Variants in ARB2A observed in about 807,000 individuals in gnomAD.
ARB2A encodes ARB2 cotranscriptional regulator A.
At chr5:93,663,631 T>A in the ARB2A span, among the ~76,000 whole-genome samples, 381 of 152,194 alleles carry the variant, frequency 2.5e-3, no homozygotes, top group Non-Finnish European at 4.1e-3. Context: ...GACGATGGAA[T>A]GGGATTGGGC....
At chr5:94,015,046 C>T in the ARB2A span, among the ~76,000 whole-genome samples, 2 of 151,732 alleles carry the variant, frequency 1.3e-5, no homozygotes, top group South Asian at 2.1e-4. Context: ...ACATGAAGGC[C>T]AGAGAGTACC....
chr5:94,089,594 T>TACACACACACACACACAC, the ARB2A span, among the ~76,000 whole-genome samples: 108 of 135,658 alleles, frequency 8.0e-4, no homozygotes, highest in African/African-American at 2.6e-3. Flanking sequence ...AAACCGTTTA[T>TACACACACACACACACAC]ACACACACAC....
At chr5:94,006,544 A>G in the ARB2A span, among the ~76,000 whole-genome samples, 3 of 152,230 alleles carry the variant, frequency 2.0e-5, no homozygotes, top group Admixed American at 6.5e-5. Context: ...AAAGATCCAC[A>G]AGCAATCTCT....
At chr5:93,744,678 G>A in the ARB2A span, among the ~76,000 whole-genome samples, 10 of 152,108 alleles carry the variant, frequency 6.6e-5, no homozygotes, top group Admixed American at 5.2e-4. Flanking sequence ...GGGTTAGCAG[G>A]GAAACGAAGC....
At chr5:93,645,004 A>C in the ARB2A span, among the ~76,000 whole-genome samples, 1 of 152,222 alleles carries the variant, frequency 6.6e-6, no homozygotes, top group Non-Finnish European at 1.5e-5. Flanking sequence ...CCTATTGGAG[A>C]AAAGAGCCTC....
At chr5:93,812,313 G>C in the ARB2A span, among the ~76,000 whole-genome samples, 2 of 152,028 alleles carry the variant, frequency 1.3e-5, no homozygotes, top group African/African-American at 2.4e-5. Context: ...GAGATAAACT[G>C]AGCAGTAACA....
At chr5:93,645,827 G>T in the ARB2A span, among the ~76,000 whole-genome samples, 4 of 152,158 alleles carry the variant, frequency 2.6e-5, no homozygotes, top group Admixed American at 2.6e-4. Context: ...TGACCCAAAT[G>T]TAACAGTTCA....
chr5:93,886,707 CCCCT>C, the ARB2A span, among the ~76,000 whole-genome samples: 1 of 151,308 alleles, frequency 6.6e-6, no homozygotes, highest in Non-Finnish European at 1.5e-5. Flanking sequence ...TGAAAAATGC[CCCCT>C]CCATTATTTT....
chr5:93,847,236 C>T, the ARB2A span, among the ~76,000 whole-genome samples: 1 of 152,146 alleles, frequency 6.6e-6, no homozygotes, highest in African/African-American at 2.4e-5. Context: ...GCTGTTTCCA[C>T]CTCATCTGCA....
the ARB2A span, among the ~76,000 whole-genome samples, chr5:94,035,482 T>C: frequency 6.6e-6 from 1 of 152,180 alleles, no homozygotes; most frequent in Non-Finnish European, 1.5e-5. Context: ...ATAAACTTGT[T>C]TCAAAATCAT....
the ARB2A span, among the ~76,000 whole-genome samples, chr5:93,934,807 G>A: frequency 2.0e-5 from 3 of 152,102 alleles, no homozygotes; most frequent in Non-Finnish European, 2.9e-5. Flanking sequence ...TGATATTGTT[G>A]CACCTTTGAA....
At chr5:93,640,064 CAAAAAAAA>C in the ARB2A span, among the ~76,000 whole-genome samples, 8 of 59,276 alleles carry the variant, frequency 1.3e-4, no homozygotes, top group Admixed American at 2.1e-4. Flanking sequence ...ACTCTGTCTC[CAAAAAAAA>C]AAAAAAAAAA....
At chr5:93,741,550 C>A in the ARB2A span, 20 of 1,570,536 alleles carry the variant, frequency 1.3e-5, no homozygotes, top group East Asian at 4.4e-4. Context: ...GTTTGAGGGC[C>A]TGTGTCCGGC....
At chr5:93,675,101 G>A in the ARB2A span, among the ~76,000 whole-genome samples, 1 of 152,036 alleles carries the variant, frequency 6.6e-6, no homozygotes, top group African/African-American at 2.4e-5. Context: ...AATACTGAAT[G>A]CTAATTAAAG....
chr5:93,987,001 G>A, the ARB2A span, among the ~76,000 whole-genome samples: 1 of 150,796 alleles, frequency 6.6e-6, no homozygotes, highest in African/African-American at 2.4e-5. Flanking sequence ...AAACACCCAA[G>A]AATGATCAAT....
chr5:93,653,658 C>CAAGGAGTCT, the ARB2A span, among the ~76,000 whole-genome samples: 1 of 150,400 alleles, frequency 6.6e-6, no homozygotes, highest in Non-Finnish European at 1.5e-5. Flanking sequence ...AGCATTTGAC[C>CAAGGAGTCT]AAGGAGTCTG....
chr5:93,827,601 T>C, the ARB2A span, among the ~76,000 whole-genome samples: 6 of 152,108 alleles, frequency 3.9e-5, no homozygotes, highest in South Asian at 6.2e-4. Context: ...TTTAGTTTCA[T>C]TAGATCCCAT....
the ARB2A span, among the ~76,000 whole-genome samples, chr5:93,828,277 G>T: frequency 1.3e-5 from 2 of 152,116 alleles, no homozygotes; most frequent in African/African-American, 4.8e-5. Flanking sequence ...TTGAGCAGTG[G>T]TTTGCAGTTC....
the ARB2A span, among the ~76,000 whole-genome samples, chr5:93,757,154 AT>A: frequency 3.3e-5 from 5 of 152,176 alleles, no homozygotes; most frequent in Non-Finnish European, 1.5e-5. Flanking sequence ...AGGTCTTCTA[AT>A]TAACCCAATC....
Sources: allele counts gnomAD v4.1 joint callset (sites outside exome capture counted in the v4.1 genomes callset), GRCh38; gene constraint gnomAD v4.1.1; transcripts MANE v1.5; gene names NCBI Gene and HGNC (gene_info 2026-07-23, HGNC 2026-07-21).